PTN: variants seen among roughly 807,000 people sequenced by gnomAD.
PTN encodes the protein heparin affin regulatory protein.
PTN carries 18 observed loss-of-function variants against 24.1 expected under a neutral mutation model. The observed-to-expected ratio is 0.75, with a 90% confidence interval of 0.52 to 1.11. The LOEUF (loss-of-function observed/expected upper bound fraction) is 1.11, where lower values mean the gene tolerates loss of function less well. Among genes scored for constraint, PTN ranks in the 50% least tolerant of loss-of-function variants. PTN has a pLI of 0.00. For missense variants in PTN, 163 were observed against 198.8 expected (o/e 0.82, Z 1.08); for synonymous variants, 78 against 68.6 (o/e 1.14, Z -0.67).
At chr7:137,259,846 G>A (rs944911008) in intron 1 of PTN, among the ~76,000 whole-genome samples, 1 of 151,894 alleles carries the variant, frequency 6.6e-6, no homozygotes, top group East Asian at 1.9e-4. Flanking sequence ...AAGTCAAGAG[G>A]TCCAATGTTG....
chr7:137,289,569 C>T (rs1240056775), intron 1 of PTN, among the ~76,000 whole-genome samples: 3 of 152,148 alleles, frequency 2.0e-5, no homozygotes, highest in Non-Finnish European at 1.5e-5. Context: ...GTCTTGTGGT[C>T]AGAGACGGAG....
At position 137,321,083 on chromosome 7, in the gene PTN, G is replaced by C. The variant is rs552775269; in HGVS notation, c.-2+22356C>G. On this transcript the variant is annotated intron_variant, in intron 1 of 4. Transcript: ENST00000348225. ...CAGGCTAATGGACAGTTAAGGAAACGACCCAACAGCTATTAGGGCTCCCTT... is the reference window on the plus strand; with the variant it reads ...CAGGCTAATGGACAGTTAAGGAAACCACCCAACAGCTATTAGGGCTCCCTT... Among the ~76,000 whole-genome samples the C allele has an allele frequency of 6.6e-5, 10 of 152,242 alleles. No individual in the cohort carries two copies. In the South Asian group the frequency reaches 2.1e-3, roughly 32 times the overall value.
At chr7:137,231,079 C>T (rs554984990) in intron 4 of PTN, among the ~76,000 whole-genome samples, 1 of 151,932 alleles carries the variant, frequency 6.6e-6, no homozygotes, top group South Asian at 2.1e-4. Flanking sequence ...CTTTCCTGCT[C>T]TTGTTAGAGC....
At chr7:137,250,465 T>A (rs914848087) in intron 4 of PTN, among the ~76,000 whole-genome samples, 1 of 152,222 alleles carries the variant, frequency 6.6e-6, no homozygotes, top group East Asian at 1.9e-4. Context: ...TTATCTCAAT[T>A]ACCTCTTTAA....
chr7:137,290,297 G>A (rs533567200), intron 1 of PTN, among the ~76,000 whole-genome samples: 27 of 152,208 alleles, frequency 1.8e-4, no homozygotes, highest in African/African-American at 6.5e-4. Context: ...CAGCCAAACT[G>A]TATCATATTG....
At chr7:137,235,811 T>A (rs527882952) in intron 4 of PTN, among the ~76,000 whole-genome samples, 5 of 152,270 alleles carry the variant, frequency 3.3e-5, no homozygotes, top group Admixed American at 3.3e-4. Context: ...CTTCTACTCC[T>A]TCTACTCCTG....
chr7:137,317,632 T>C (rs1050270332), intron 1 of PTN, among the ~76,000 whole-genome samples: 3 of 152,202 alleles, frequency 2.0e-5, no homozygotes, highest in Admixed American at 1.3e-4. Flanking sequence ...TGATCGTGTG[T>C]TTATTTTCTT....
chr7:137,278,755 C>G (rs1222374011), intron 1 of PTN, among the ~76,000 whole-genome samples: 1 of 151,686 alleles, frequency 6.6e-6, no homozygotes, highest in Non-Finnish European at 1.5e-5. Context: ...ACCTAGCCAA[C>G]ATGGTGACAC....
At chr7:137,234,051 C>A (rs184362594) in intron 4 of PTN, among the ~76,000 whole-genome samples, 1 of 151,320 alleles carries the variant, frequency 6.6e-6, no homozygotes, top group East Asian at 1.9e-4. Flanking sequence ...ACACTTTTAA[C>A]GAGTTCTATT....
chr7:137,321,695 T>A (rs140109832), intron 1 of PTN, among the ~76,000 whole-genome samples: 2 of 152,218 alleles, frequency 1.3e-5, no homozygotes, highest in Non-Finnish European at 2.9e-5. Context: ...CATTTCTCAG[T>A]AGCGCTATGG....
intron 1 of PTN, among the ~76,000 whole-genome samples, chr7:137,261,872 G>C (rs941966644): frequency 2.0e-5 from 3 of 152,116 alleles, no homozygotes; most frequent in African/African-American, 7.2e-5. Flanking sequence ...CTGCATGTGG[G>C]GCAGGGCCCT....
intron 1 of PTN, among the ~76,000 whole-genome samples, chr7:137,310,103 G>T (rs1183831223): frequency 6.6e-6 from 1 of 152,164 alleles, no homozygotes; most frequent in East Asian, 1.9e-4. Context: ...ATATTAGCAG[G>T]CATGGAAACA....
chr7:137,244,667 A>G (rs1160131022), intron 4 of PTN, among the ~76,000 whole-genome samples: 2 of 151,720 alleles, frequency 1.3e-5, no homozygotes, highest in African/African-American at 2.4e-5. Context: ...TTTGCTGAGA[A>G]TGATCTCTTC....
At chr7:137,286,789 A>G (rs570667177) in intron 1 of PTN, among the ~76,000 whole-genome samples, 1 of 152,300 alleles carries the variant, frequency 6.6e-6, no homozygotes, top group Admixed American at 6.5e-5. Flanking sequence ...ATATGGTACT[A>G]AACTTTCTTC....
intron 4 of PTN, among the ~76,000 whole-genome samples, chr7:137,233,970 A>G (rs1358785744): frequency 2.0e-5 from 3 of 151,066 alleles, no homozygotes; most frequent in African/African-American, 7.3e-5. Flanking sequence ...ATATACATAT[A>G]TATGTATATA....
At chr7:137,297,195 T>A (rs902569701) in intron 1 of PTN, among the ~76,000 whole-genome samples, 3 of 152,144 alleles carry the variant, frequency 2.0e-5, no homozygotes, top group Admixed American at 1.3e-4. Context: ...TCATTTTTTT[T>A]CCAAAAAATC....
chr7:137,324,433 A>AAAAAAAAAAAAATATATAT, intron 1 of PTN, among the ~76,000 whole-genome samples: 1 of 88,760 alleles, frequency 1.1e-5, no homozygotes, highest in African/African-American at 6.9e-5. Context: ...AAAAAAAAAA[A>AAAAAAAAAAAAATATATAT]ATATATATAT....
At position 137,227,727 on chromosome 7, in the gene PTN, T is replaced by C. The variant is rs914006204; in HGVS notation, c.*293A>G. 2 of 243,434 alleles carry C rather than the reference T, an allele frequency of 8.2e-6. No homozygotes were observed. The highest frequency in any genetic ancestry group is 7.8e-6 in the Non-Finnish European group (1 of 128,670). 15.1% of individuals were successfully genotyped at this position (243,434 alleles called of 1,614,324 possible). Reference sequence around the variant, plus strand: ...CTGCCCAAAAAATGTAAAAAAAATTTAATGTAAAATGTCACATAATTTCAA... The same window carrying C: ...CTGCCCAAAAAATGTAAAAAAAATTCAATGTAAAATGTCACATAATTTCAA... On this transcript the variant is annotated 3_prime_UTR_variant, in exon 5 of 5. Transcript: ENST00000348225.
At chr7:137,314,096 T>A (rs1810029157) in intron 1 of PTN, among the ~76,000 whole-genome samples, 1 of 152,192 alleles carries the variant, frequency 6.6e-6, no homozygotes, top group Non-Finnish European at 1.5e-5. Flanking sequence ...TGAGCGGGAC[T>A]AGAAAATCTC....
Sources: gnomAD v4.1 joint callset for allele counts (sites outside exome capture counted in the v4.1 genomes callset) on GRCh38, gnomAD v4.1.1 for gene constraint, MANE v1.5 for transcripts, NCBI Gene and HGNC (gene_info 2026-07-23, HGNC 2026-07-21) for gene names.